PPTC7: variants seen among roughly 807,000 people sequenced by gnomAD.
The protein encoded by PPTC7 is protein phosphatase PTC7 homolog.
Under a neutral mutation model 30.8 loss-of-function variants are expected in PPTC7, and 6 were observed. That is an observed-to-expected ratio of 0.19 (90% CI 0.11 to 0.38). The LOEUF (loss-of-function observed/expected upper bound fraction) is 0.38. Ranked by LOEUF, PPTC7 falls within the 10% of genes least tolerant of loss-of-function variation. The probability of loss-of-function intolerance (pLI) is 1.00; values close to 1 mark genes in which losing one functional copy is unlikely to be tolerated. For synonymous variants in PPTC7, 163 were observed against 168.1 expected (o/e 0.97, Z 0.23); for missense variants, 218 against 404.8 (o/e 0.54, Z 3.96).
At chr12:110,563,122 C>CAAAAAAAAAAAAAAAAAAAA (rs766517371) in intron 1 of PPTC7, among the ~76,000 whole-genome samples, 1 of 43,116 alleles carries the variant, frequency 2.3e-5, no homozygotes, top group Non-Finnish European at 4.3e-5. Flanking sequence ...GACTCCATCT[C>CAAAAAAAAAAAAAAAAAAAA]AAAAAAAAAA....
chr12:110,545,409 A>C (rs1285455377), intron 3 of PPTC7, among the ~76,000 whole-genome samples: 2 of 151,998 alleles, frequency 1.3e-5, no homozygotes, highest in East Asian at 3.9e-4. Flanking sequence ...GACCATTTTG[A>C]CTCCATTTCC....
At chr12:110,563,443 C>A (rs941749972) in intron 1 of PPTC7, among the ~76,000 whole-genome samples, 2 of 152,032 alleles carry the variant, frequency 1.3e-5, no homozygotes, top group African/African-American at 4.8e-5. Flanking sequence ...ATGGTGAAAC[C>A]CCATTTCTAT....
chr12:110,548,019 A>G (rs139065891), intron 2 of PPTC7, among the ~76,000 whole-genome samples: 1 of 152,006 alleles, frequency 6.6e-6, no homozygotes, highest in East Asian at 1.9e-4. Context: ...GGGCACAAGA[A>G]TTGTTTGAAC....
In PPTC7 at chr12:110,536,761, G is replaced by A. The variant is rs549723110; in HGVS notation, c.*276C>T. 9.9e-5 allele frequency: 41 copies of A among 413,220 alleles called. No individual in the cohort carries two copies. In the Admixed American group the frequency reaches 1.4e-3, roughly 15 times the overall value. The allele number at this position is 413,220 out of a possible 1,614,324, so 25.6% of individuals were successfully genotyped here. A position where few individuals can be genotyped will look rare whatever the true frequency, so the allele number is the denominator to read the frequency against. On this transcript the variant is annotated 3_prime_UTR_variant, in exon 6 of 6. Transcript: ENST00000354300. ...GAAAAGTAACAGCCACGGTGGCACT[G>A]AACACCTCCATCCCCATCATGGAAA...
In PPTC7 at chr12:110,572,869, T is replaced by TTTTA. The variant is rs147429249; in HGVS notation, c.223+9936_223+9939dup. Among the ~76,000 whole-genome samples, 667 of 151,884 alleles carry TTTTA rather than the reference T, an allele frequency of 4.4e-3. 5 individuals are homozygous for TTTTA. The highest frequency in any genetic ancestry group is 0.01 in the African/African-American group (432 of 41,406). Reference sequence around the variant, plus strand: ...GGACCTATCGTAATCTTTTTTAAGTTTTTATTTATTTATTTATTTATTTAT... The same window carrying TTTTA: ...GGACCTATCGTAATCTTTTTTAAGTTTTTATTTATTTATTTATTTATTTATTTAT... On this transcript the variant is annotated intron_variant, in intron 1 of 5. Transcript: ENST00000354300.
chr12:110,582,680 A>G, intron 1 of PPTC7, 129 bp downstream of exon 1: 1 of 754,928 alleles, frequency 1.3e-6, no homozygotes. Flanking sequence ...CCTGGCGCAT[A>G]GTAAGCGCTC....
intron 2 of PPTC7, among the ~76,000 whole-genome samples, chr12:110,549,719 C>G (rs2064336523): frequency 6.6e-6 from 1 of 152,098 alleles, no homozygotes. Context: ...AAGAAAAAGG[C>G]ACAGCAAAAA....
chr12:110,542,620 G>A (rs557834336), intron 3 of PPTC7, among the ~76,000 whole-genome samples: 1 of 141,792 alleles, frequency 7.1e-6, no homozygotes, highest in Non-Finnish European at 1.5e-5. Flanking sequence ...GCAGTGAGCC[G>A]AGATTGCGCC....
At chr12:110,578,655 C>T (rs1207110348) in intron 1 of PPTC7, among the ~76,000 whole-genome samples, 1 of 152,068 alleles carries the variant, frequency 6.6e-6, no homozygotes, top group Non-Finnish European at 1.5e-5. Context: ...CCTAGATGAC[C>T]ACAGTGAATA....
intron 1 of PPTC7, among the ~76,000 whole-genome samples, chr12:110,567,386 G>T (rs1410783622): frequency 6.6e-6 from 1 of 152,192 alleles, no homozygotes; most frequent in Admixed American, 6.5e-5. Context: ...CCTGTAAAAT[G>T]CCTCTTGTAC....
At chr12:110,568,826 C>T (rs116536393) in intron 1 of PPTC7, among the ~76,000 whole-genome samples, 2,067 of 152,246 alleles carry the variant, frequency 0.014, 45 homozygotes, top group African/African-American at 0.047. Flanking sequence ...GGTCAGAACT[C>T]GCTACAAGAT....
chr12:110,574,919 CA>C lies in PPTC7; in HGVS notation c.223+7889del, dbSNP rs1283991603. 2.0e-5 allele frequency among the ~76,000 whole-genome samples: 3 copies of C among 150,892 alleles called. No homozygotes were observed. The Middle Eastern group carries it at 0.01, about 520-fold the overall frequency. Reference sequence around the variant, plus strand: ...TCAGCCTCCCTAGTAGCTAGGATTACAGGCACTCGCCACCATGCCCGGCTTT... The same window carrying C: ...TCAGCCTCCCTAGTAGCTAGGATTACGGCACTCGCCACCATGCCCGGCTTT... On this transcript the variant is annotated intron_variant, in intron 1 of 5. Coordinates refer to ENST00000354300, the MANE Select transcript of PPTC7 (RefSeq NM_139283.2).
At chr12:110,553,793 A>T (rs529441084) in intron 1 of PPTC7, among the ~76,000 whole-genome samples, 4 of 152,198 alleles carry the variant, frequency 2.6e-5, no homozygotes. Context: ...AATGAAACAG[A>T]AAAAGAATAT....
intron 2 of PPTC7, among the ~76,000 whole-genome samples, chr12:110,549,326 G>GCCTT (rs1401746354): frequency 6.6e-6 from 1 of 152,018 alleles, no homozygotes; most frequent in East Asian, 1.9e-4. Flanking sequence ...CTACCAGCTT[G>GCCTT]CCTTTTATAT....
At chr12:110,578,762 G>GT (rs1214813848) in intron 1 of PPTC7, among the ~76,000 whole-genome samples, 4 of 152,132 alleles carry the variant, frequency 2.6e-5, no homozygotes, top group Admixed American at 6.5e-5. Flanking sequence ...TAAGTTCAAC[G>GT]TAACGTTATT....
At chr12:110,577,430 T>C (rs182835611) in intron 1 of PPTC7, among the ~76,000 whole-genome samples, 1 of 152,176 alleles carries the variant, frequency 6.6e-6, no homozygotes, top group East Asian at 1.9e-4. Context: ...ACACACACAC[T>C]CTGAAGGTGA....
At chr12:110,537,761 C>CCA (rs2064230004) in intron 5 of PPTC7, among the ~76,000 whole-genome samples, 1 of 152,150 alleles carries the variant, frequency 6.6e-6, no homozygotes, top group South Asian at 2.1e-4. Context: ...CTGTTGAGTC[C>CCA]CACAAAGCCA....
chr12:110,551,762 A>G (rs1006608485), intron 2 of PPTC7, 27 bp downstream of exon 2: 11 of 1,596,606 alleles, frequency 6.9e-6, no homozygotes, highest in Non-Finnish European at 9.4e-6. Context: ...GCTTCTTTAG[A>G]GGAAAACACA....
At chr12:110,568,823 A>G (rs970073439) in intron 1 of PPTC7, among the ~76,000 whole-genome samples, 2 of 152,160 alleles carry the variant, frequency 1.3e-5, no homozygotes, top group Admixed American at 1.3e-4. Context: ...CTGGGTCAGA[A>G]CTCGCTACAA....
Sources: allele counts gnomAD v4.1 joint callset (sites outside exome capture counted in the v4.1 genomes callset), GRCh38; gene constraint gnomAD v4.1.1; transcripts MANE v1.5; gene names NCBI Gene and HGNC (gene_info 2026-07-23, HGNC 2026-07-21).